VPS39: variants seen among roughly 807,000 people sequenced by gnomAD.
VPS39 encodes the protein VPS39 subunit of HOPS complex.
VPS39 carries 70 observed loss-of-function variants against 121.0 expected under a neutral mutation model. That is an observed-to-expected ratio of 0.58 (90% confidence interval 0.48 to 0.71). VPS39 has a LOEUF of 0.71. Among genes scored for constraint, VPS39 ranks in the 30% least tolerant of loss-of-function variants. VPS39 has a pLI of 0.00. For synonymous variants in VPS39, 378 were observed against 398.1 expected (o/e 0.95, Z 0.60); for missense variants, 818 against 1,051.5 (o/e 0.78, Z 3.07).
At chr15:42,197,639 AT>A (rs2049971344) in intron 2 of VPS39, among the ~76,000 whole-genome samples, 1 of 152,184 alleles carries the variant, frequency 6.6e-6, no homozygotes, top group African/African-American at 2.4e-5. Context: ...TTAAAAACAC[AT>A]TTATTGAATA....
intron 1 of VPS39, among the ~76,000 whole-genome samples, chr15:42,204,728 T>A (rs1454349932): frequency 6.6e-6 from 1 of 152,170 alleles, no homozygotes; most frequent in Non-Finnish European, 1.5e-5. Flanking sequence ...ATTCATGTAG[T>A]TCCAAAGCTA....
intron 12 of VPS39, among the ~76,000 whole-genome samples, 176 bp from the exon 13 acceptor site, chr15:42,167,713 A>G (rs1317048270): frequency 5.3e-5 from 8 of 152,202 alleles, no homozygotes; most frequent in Non-Finnish European, 1.0e-4. Flanking sequence ...TATTTATTGA[A>G]TATTTACTAC....
intron 2 of VPS39, among the ~76,000 whole-genome samples, chr15:42,193,933 C>G (rs2049882145): frequency 6.6e-6 from 1 of 151,868 alleles, no homozygotes; most frequent in Non-Finnish European, 1.5e-5. Flanking sequence ...AAATAATACT[C>G]CCTGAAAAAA....
At chr15:42,175,814 G>T (rs1007769158) in intron 10 of VPS39, among the ~76,000 whole-genome samples, 1 of 151,932 alleles carries the variant, frequency 6.6e-6, no homozygotes, top group African/African-American at 2.4e-5. Context: ...ATAGACACAG[G>T]CCACACTTTA....
chr15:42,176,734 T>C (rs2049459167), intron 10 of VPS39, among the ~76,000 whole-genome samples: 4 of 152,210 alleles, frequency 2.6e-5, no homozygotes, highest in Admixed American at 6.5e-5. Context: ...TAAATGTTCT[T>C]CACGAGTAGC....
At chr15:42,198,657 A>G (rs563392436) in intron 2 of VPS39, among the ~76,000 whole-genome samples, 3 of 152,354 alleles carry the variant, frequency 2.0e-5, no homozygotes, top group South Asian at 4.1e-4. Context: ...TTAAAAATTT[A>G]AAACATTAAA....
rs2049396102 is a variant in VPS39, at chr15:42,173,943, A to G, written c.961-91T>C. ...TGTTAGAGAAGATGCTAGGAGCTAC[A>G]GACACCAAAGTGTACAAGACAAGGC... On this transcript the variant is annotated intron_variant, in intron 10 of 24. Coordinates refer to ENST00000318006, the MANE Select transcript of VPS39 (RefSeq NM_015289.5). 6 of 1,486,438 alleles carry G rather than the reference A, an allele frequency of 4.0e-6. No homozygotes were observed. The South Asian group carries it at 7.3e-5, about 18-fold the overall frequency. 92.1% of individuals were successfully genotyped at this position (1,486,438 alleles called of 1,614,324 possible).
At chr15:42,163,231 T>G (rs1231748099) in intron 21 of VPS39, 119 bp downstream of exon 21, 1 of 1,236,990 alleles carries the variant, frequency 8.1e-7, no homozygotes, top group Non-Finnish European at 1.2e-6. Context: ...ACATGCAAGA[T>G]CAATCAGAGC....
rs574115896 is a variant in VPS39 at position 42,206,813 on chromosome 15, C to T, written c.73+1268G>A. Among the ~76,000 whole-genome samples, 22 of 152,284 alleles carry T rather than the reference C, an allele frequency of 1.4e-4. 1 individual carries two copies. In the South Asian group the frequency reaches 2.5e-3, roughly 17 times the overall value. Reference sequence around the variant, plus strand: ...GCAAAGAGAATGGCCCGTGTAGCCACCTAATAAGTATATCTGATGAAGCAA... The same window carrying T: ...GCAAAGAGAATGGCCCGTGTAGCCATCTAATAAGTATATCTGATGAAGCAA... On this transcript the variant is annotated intron_variant, in intron 1 of 24. Transcript: ENST00000318006.
chr15:42,205,769 A>C (rs924402710), intron 1 of VPS39, among the ~76,000 whole-genome samples: 1 of 152,212 alleles, frequency 6.6e-6, no homozygotes, highest in African/African-American at 2.4e-5. Flanking sequence ...ATCAATGAGA[A>C]GACTACTACA....
At chr15:42,180,056 G>A (rs1347979153) in intron 8 of VPS39, among the ~76,000 whole-genome samples, 1 of 152,042 alleles carries the variant, frequency 6.6e-6, no homozygotes, top group African/African-American at 2.4e-5. Flanking sequence ...ACCAGATGCC[G>A]GCACCCTGAT....
At chr15:42,177,482 A>G (rs894712512) in intron 10 of VPS39, among the ~76,000 whole-genome samples, 13 of 152,146 alleles carry the variant, frequency 8.5e-5, no homozygotes, top group African/African-American at 3.1e-4. Context: ...CAGAATATCA[A>G]AAGAAAGCCT....
At chr15:42,173,528 A>C in intron 11 of VPS39, 195 bp downstream of exon 11, 1 of 554,610 alleles carries the variant, frequency 1.8e-6, no homozygotes, top group Non-Finnish European at 2.9e-6. Context: ...TTTATTGAGA[A>C]GACCAGATTC....
chr15:42,194,860 T>C (rs12905888), intron 2 of VPS39, among the ~76,000 whole-genome samples: 2 of 152,100 alleles, frequency 1.3e-5, no homozygotes, highest in African/African-American at 4.8e-5. Context: ...GGTACTACTG[T>C]TCTGATTTGT....
chr15:42,191,797 C>G (rs886696970), intron 2 of VPS39, among the ~76,000 whole-genome samples: 1 of 152,180 alleles, frequency 6.6e-6, no homozygotes, highest in African/African-American at 2.4e-5. Flanking sequence ...GAAAGGATCA[C>G]ACAAAGTTCA....
Position 42,163,616 on chromosome 15 carries a change from G to A in VPS39, c.2129+10C>T, listed in dbSNP as rs754678694. 5 of 1,609,888 alleles carry A rather than the reference G, an allele frequency of 3.1e-6. No individual in the cohort carries two copies. The East Asian group carries it at 8.9e-5, about 29-fold the overall frequency. On this transcript the variant is annotated intron_variant, in intron 20 of 24. Transcript: ENST00000318006. ...ACTGCTTAGGAGGTGGGATGTTGGGGCAAACTTACTCCTCAGCCATCCTTG... is the reference window on the plus strand; with the variant it reads ...ACTGCTTAGGAGGTGGGATGTTGGGACAAACTTACTCCTCAGCCATCCTTG...
In VPS39 at chr15:42,178,453, C is replaced by T. The variant is rs1427430377; in HGVS notation, c.836G>A (p.Gly279Glu). 3.1e-6 allele frequency: 5 copies of T among 1,614,054 alleles called. No individual in the cohort carries two copies. Among genetic ancestry groups the T allele is most frequent in the Non-Finnish European group, 3.4e-6 (4 of 1,180,046 alleles). ...ELQRPRFITS[G>E]GSNIIYVASN... ...AGCAAAAAAAGAAATTCCTTACCCTCCTGAGGTAATGAAACGGGGCCTTTG... is the reference window on the plus strand; with the variant it reads ...AGCAAAAAAAGAAATTCCTTACCCTTCTGAGGTAATGAAACGGGGCCTTTG... Residue 279 changes from glycine to glutamate, a missense_variant, in exon 9 of 25, where the codon GGA becomes GAA. By Grantham distance (98) the Gly-to-Glu change is moderately conservative. Transcript: ENST00000318006.
intron 10 of VPS39, 52 bp downstream of exon 10, chr15:42,178,166 A>G (rs1389208619): frequency 1.9e-6 from 3 of 1,606,902 alleles, no homozygotes; most frequent in Non-Finnish European, 2.6e-6. Context: ...AACCCAAATC[A>G]CCTACTTTCA....
chr15:42,191,399 G>A, intron 3 of VPS39, 97 bp downstream of exon 3: 1 of 1,287,154 alleles, frequency 7.8e-7, no homozygotes, highest in Non-Finnish European at 1.1e-6. Context: ...TCAAAGAGAA[G>A]AGGATTCAGA....
Sources: gnomAD v4.1 joint callset for allele counts (sites outside exome capture counted in the v4.1 genomes callset) on GRCh38, gnomAD v4.1.1 for gene constraint, MANE v1.5 for transcripts, NCBI Gene and HGNC (gene_info 2026-07-23, HGNC 2026-07-21) for gene names.